MAOB: variants seen among roughly 807,000 people sequenced by gnomAD.
The protein encoded by MAOB is monoamine oxidase B.
A neutral mutation model predicts 41.9 loss-of-function variants in MAOB; 15 were observed. That is an observed-to-expected ratio of 0.36 (90% CI 0.24 to 0.55). MAOB has a LOEUF of 0.55. Among genes scored for constraint, MAOB ranks in the 20% least tolerant of loss-of-function variants. The pLI, the probability that MAOB is intolerant of heterozygous loss-of-function variation, is 0.86. For missense variants in MAOB, 345 were observed against 398.7 expected, an observed-to-expected ratio of 0.87 and a Z score of 1.15; for synonymous variants, 167 against 144.2, an observed-to-expected ratio of 1.16 and a Z score of -1.13.
intron 3 of MAOB, among the ~76,000 whole-genome samples, chrX:43,817,049 C>T (rs2034822963): frequency 1.8e-5 from 2 of 109,905 alleles, no homozygotes; most frequent in African/African-American, 6.6e-5. Context: ...ATTTCTTCCT[C>T]TCCTCCTCCT....
chrX:43,856,342 C>A (rs1022305332), intron 1 of MAOB, among the ~76,000 whole-genome samples: 2 of 112,588 alleles, frequency 1.8e-5, no homozygotes, highest in African/African-American at 6.5e-5. Flanking sequence ...CCTTGGCCTC[C>A]CAAAGTGCTG....
Position 43,882,324 on chromosome X carries a change from C to T in MAOB, c.-25G>A. 2.5e-6 allele frequency: 3 copies of T among 1,201,133 alleles called. No homozygotes were observed. Among genetic ancestry groups the T allele is most frequent in the Non-Finnish European group, 3.4e-6 (3 of 890,800 alleles). ...TGGCGCTCGCCCCGTTCCAGGCCTCCCTGGTGCCCGCTGCTCCGTTTTCTG... is the reference window on the plus strand; with the variant it reads ...TGGCGCTCGCCCCGTTCCAGGCCTCTCTGGTGCCCGCTGCTCCGTTTTCTG... On this transcript the variant is annotated 5_prime_UTR_variant, in exon 1 of 15. Coordinates refer to ENST00000378069, the MANE Select transcript of MAOB (RefSeq NM_000898.5).
intron 3 of MAOB, among the ~76,000 whole-genome samples, chrX:43,816,249 T>C (rs2034813233): frequency 8.9e-6 from 1 of 111,901 alleles, no homozygotes; most frequent in African/African-American, 3.3e-5. Context: ...CTGTGGGGGC[T>C]GTAGCGGGAT....
At chrX:43,797,342 T>C (rs190623061) in intron 5 of MAOB, 76 bp from the exon 6 acceptor site, 512 of 829,417 alleles carry the variant, frequency 6.2e-4, no homozygotes, top group Non-Finnish European at 6.8e-4. Flanking sequence ...ATTATTTAAG[T>C]AACACATTTT....
chrX:43,813,572 C>T (rs887943659), intron 3 of MAOB, among the ~76,000 whole-genome samples: 4 of 112,136 alleles, frequency 3.6e-5, no homozygotes, highest in African/African-American at 6.5e-5. Flanking sequence ...ATCAAGTAAC[C>T]ACTTGAGATT....
intron 5 of MAOB, among the ~76,000 whole-genome samples, chrX:43,799,186 G>A (rs1484277746): frequency 8.9e-6 from 1 of 111,929 alleles, no homozygotes; most frequent in Non-Finnish European, 1.9e-5. Context: ...GTGAAATGGT[G>A]TCATATATAC....
At position 43,882,427 on chromosome X, in the gene MAOB, A is replaced by G. The variant is rs2035479750; in HGVS notation, c.-128T>C. ...CTGCTGCGCGCTGCCCCCGTGCACC[A>G]GCGCCTCGGCGAGCCGCTATATTAC... On this transcript the variant is annotated 5_prime_UTR_variant, in exon 1 of 15. Transcript: ENST00000378069. 1 of 1,030,393 alleles carries G rather than the reference A, an allele frequency of 9.7e-7. No homozygotes were observed. Among genetic ancestry groups the G allele is most frequent in the Admixed American group, 4.3e-5 (1 of 23,153 alleles). The allele number at this position is 1,030,393 out of a possible 1,213,427, so 84.9% of individuals were successfully genotyped here. A position where few individuals can be genotyped will look rare whatever the true frequency, so the allele number is the denominator to read the frequency against.
intron 8 of MAOB, 41 bp downstream of exon 8, chrX:43,793,378 G>A (rs1419196880): frequency 1.6e-5 from 17 of 1,062,960 alleles, no homozygotes; most frequent in Non-Finnish European, 2.1e-5. Context: ...CAAGTTTCTT[G>A]GACCTTCTTC....
chrX:43,776,443 C>T (rs1249408631), intron 11 of MAOB, among the ~76,000 whole-genome samples: 1 of 112,243 alleles, frequency 8.9e-6, no homozygotes, highest in Non-Finnish European at 1.9e-5. Context: ...AAACAACCAT[C>T]TCACGAGTTG....
intron 7 of MAOB, among the ~76,000 whole-genome samples, chrX:43,794,008 C>G (rs890612408): frequency 4.5e-5 from 5 of 112,052 alleles, no homozygotes; most frequent in African/African-American, 1.6e-4. Flanking sequence ...TCCAGAGTAG[C>G]TGGGACTACA....
chrX:43,849,457 T>C (rs1431698414), intron 1 of MAOB, among the ~76,000 whole-genome samples: 1 of 112,734 alleles, frequency 8.9e-6, no homozygotes, highest in Non-Finnish European at 1.9e-5. Flanking sequence ...CATTCATGCA[T>C]GCCTTCGTGT....
At chrX:43,838,602 C>A in intron 3 of MAOB, among the ~76,000 whole-genome samples, 1 of 112,154 alleles carries the variant, frequency 8.9e-6, no homozygotes, top group East Asian at 2.8e-4. Context: ...AAATAAAGCA[C>A]AAATGTTTTT....
intron 3 of MAOB, among the ~76,000 whole-genome samples, chrX:43,821,072 T>A (rs1187880013): frequency 1.8e-5 from 2 of 112,007 alleles, no homozygotes; most frequent in Non-Finnish European, 3.8e-5. Flanking sequence ...TATTAGTTGT[T>A]GTTGTTATTA....
chrX:43,853,735 G>T (rs1439293216), intron 1 of MAOB, among the ~76,000 whole-genome samples: 1 of 111,460 alleles, frequency 9.0e-6, no homozygotes, highest in East Asian at 2.8e-4. Flanking sequence ...GGCAGAGATA[G>T]AGTGATGCCT....
At chrX:43,816,400 C>T (rs182739846) in intron 3 of MAOB, among the ~76,000 whole-genome samples, 1 of 112,212 alleles carries the variant, frequency 8.9e-6, no homozygotes, top group African/African-American at 3.2e-5. Context: ...GAATTGTACA[C>T]TTAAAGTGGT....
intron 11 of MAOB, 30 bp downstream of exon 11, chrX:43,778,652 C>A (rs374785247): frequency 1.7e-6 from 2 of 1,163,775 alleles, no homozygotes; most frequent in Admixed American, 2.3e-5. Context: ...GGCCTCTCAC[C>A]CTTAGTATAG....
At chrX:43,783,822 T>A (rs2034366943) in intron 8 of MAOB, among the ~76,000 whole-genome samples, 1 of 112,302 alleles carries the variant, frequency 8.9e-6, no homozygotes, top group African/African-American at 3.2e-5. Flanking sequence ...GCTGCGATGC[T>A]GTTTGATAGC....
chrX:43,809,890 G>C (rs1018441130), intron 3 of MAOB, among the ~76,000 whole-genome samples: 6 of 111,704 alleles, frequency 5.4e-5, no homozygotes, highest in Admixed American at 9.5e-5. Flanking sequence ...TACAGGTAAA[G>C]GAAATATAGC....
At chrX:43,840,659 G>T (rs1569227060) in intron 2 of MAOB, among the ~76,000 whole-genome samples, 2 of 110,735 alleles carry the variant, frequency 1.8e-5, no homozygotes, top group Non-Finnish European at 3.8e-5. Context: ...GCAGGGTGGG[G>T]TGTCGCCTTA....
Sources: gnomAD v4.1 joint callset for allele counts (sites outside exome capture counted in the v4.1 genomes callset) on GRCh38, gnomAD v4.1.1 for gene constraint, MANE v1.5 for transcripts, NCBI Gene and HGNC (gene_info 2026-07-23, HGNC 2026-07-21) for gene names.